LIMD1: variants seen among roughly 807,000 people sequenced by gnomAD.
LIMD1 encodes LIM domain containing 1, also known as LIM domain-containing protein 1.
A neutral mutation model predicts 58.4 loss-of-function variants in LIMD1; 23 were observed. The observed-to-expected ratio is 0.39, with a 90% CI of 0.28 to 0.56. The LOEUF (loss-of-function observed/expected upper bound fraction) is 0.56, where lower values mean the gene tolerates loss of function less well. Among genes scored for constraint, LIMD1 ranks in the 20% least tolerant of loss-of-function variants. The pLI, the probability that LIMD1 is intolerant of heterozygous loss-of-function variation, is 0.57. For synonymous variants in LIMD1, 334 were observed against 345.5 expected (o/e 0.97, Z 0.37); for missense variants, 838 against 855.5 (o/e 0.98, Z 0.25).
chr3:45,665,501 CATCTTTTAGG>C, intron 2 of LIMD1, 139 bp from the exon 3 acceptor site: 1 of 624,244 alleles, frequency 1.6e-6, no homozygotes, highest in South Asian at 2.0e-5. Context: ...AGGGCCACGG[CATCTTTTAGG>C]AACTGGAAAG....
chr3:45,621,898 A>G (rs1273400345), intron 1 of LIMD1, among the ~76,000 whole-genome samples: 1 of 152,008 alleles, frequency 6.6e-6, no homozygotes, highest in Non-Finnish European at 1.5e-5. Context: ...CCCCGTGTGT[A>G]CTAAAAATAC....
chr3:45,669,263 C>T (rs1164595737), intron 4 of LIMD1, among the ~76,000 whole-genome samples: 1 of 152,076 alleles, frequency 6.6e-6, no homozygotes, highest in Non-Finnish European at 1.5e-5. Context: ...AATTGTTCAC[C>T]ATTGGAAACC....
chr3:45,636,251 A>G lies in LIMD1; in HGVS notation c.1510A>G (p.Ser504Gly). ...HDTCFTCAAC[S>G]RKLRGKAFYF... Reference sequence around the variant, plus strand: ...CACATGCTTCACCTGTGCAGCTTGCAGTAAGTGTGGGTGTGGGTGTCGGGT... The same window carrying G: ...CACATGCTTCACCTGTGCAGCTTGCGGTAAGTGTGGGTGTGGGTGTCGGGT... The change falls in exon 2 of 8, where the codon AGC becomes GGC. Residue 504 changes from serine to glycine, a missense_variant and splice_region_variant. Ser to Gly is a moderately conservative substitution (Grantham distance 56). Around this residue, in one of 3 missense-constraint regions of LIMD1, gnomAD observed 659 missense variants for 639.8 expected, o/e 1.03. Transcript: ENST00000273317. 2 of 1,603,714 alleles carry G rather than the reference A, an allele frequency of 1.2e-6. No individual in the cohort carries two copies. The highest frequency in any genetic ancestry group is 1.7e-5 in the Admixed American group (1 of 58,476).
rs199951580 is a variant in LIMD1, at chr3:45,633,408, G to A, written c.1409-2742G>A. Among the ~76,000 whole-genome samples the A allele has an allele frequency of 1.2e-4, 19 of 152,126 alleles. No homozygotes were observed. The East Asian group carries it at 1.5e-3, about 12-fold the overall frequency. ...TTGTGTCTGTTTGTGAATTTTACCC[G>A]GAAAAAAATAAGCCTAAGCAAATAA... On this transcript the variant is annotated intron_variant, in intron 1 of 7. Transcript: ENST00000273317.
At chr3:45,670,724 AG>A (rs1290176792) in intron 4 of LIMD1, among the ~76,000 whole-genome samples, 1 of 152,210 alleles carries the variant, frequency 6.6e-6, no homozygotes, top group Non-Finnish European at 1.5e-5. Context: ...ATTCAAGGGG[AG>A]GGGGAAATAG....
chr3:45,609,305 A>C (rs1701500700), intron 1 of LIMD1, among the ~76,000 whole-genome samples: 1 of 152,198 alleles, frequency 6.6e-6, no homozygotes, highest in Non-Finnish European at 1.5e-5. Flanking sequence ...TAAACTTGAG[A>C]CTTGACTACA....
chr3:45,646,324 G>A (rs1256274742), intron 2 of LIMD1, among the ~76,000 whole-genome samples: 2 of 152,222 alleles, frequency 1.3e-5, no homozygotes, highest in African/African-American at 4.8e-5. Context: ...GCCGACCTCT[G>A]CCTCTGCCTG....
intron 4 of LIMD1, 81 bp from the exon 5 acceptor site, chr3:45,672,609 C>G (rs1697600920): frequency 6.7e-7 from 1 of 1,494,004 alleles, no homozygotes; most frequent in Non-Finnish European, 9.2e-7. Context: ...TCATGTAATC[C>G]TTAGGCCTGA....
At chr3:45,619,023 C>T (rs1481830015) in intron 1 of LIMD1, among the ~76,000 whole-genome samples, 7 of 152,082 alleles carry the variant, frequency 4.6e-5, no homozygotes, top group Non-Finnish European at 8.8e-5. Flanking sequence ...TTTATGTATG[C>T]ATCACTAAAA....
intron 1 of LIMD1, among the ~76,000 whole-genome samples, chr3:45,615,376 AG>A (rs71617898): frequency 6.6e-6 from 1 of 152,100 alleles, no homozygotes; most frequent in Non-Finnish European, 1.5e-5. Context: ...GTATGGATTT[AG>A]GGGGGAGAAG....
chr3:45,663,375 T>C (rs1452208214), intron 2 of LIMD1, among the ~76,000 whole-genome samples: 1 of 152,202 alleles, frequency 6.6e-6, no homozygotes, highest in Non-Finnish European at 1.5e-5. Flanking sequence ...CCTTGACAAA[T>C]TGTTCCCAAG....
chr3:45,658,535 CTTTTTTTTTTTTTTT>C (rs10572210), intron 2 of LIMD1, among the ~76,000 whole-genome samples: 8 of 44,736 alleles, frequency 1.8e-4, no homozygotes, highest in East Asian at 1.3e-3. Context: ...CATGCAGATT[CTTTTTTTTTTTTTTT>C]TTTTTTTTTT....
intron 4 of LIMD1, among the ~76,000 whole-genome samples, chr3:45,668,752 CAAAA>C (rs36111259): frequency 7.0e-6 from 1 of 142,230 alleles, no homozygotes. Context: ...GACTCCACCT[CAAAA>C]AAAAAAAAAA....
intron 1 of LIMD1, among the ~76,000 whole-genome samples, chr3:45,614,772 T>TTG (rs1701561072): frequency 6.7e-6 from 1 of 150,108 alleles, no homozygotes; most frequent in Non-Finnish European, 1.5e-5. Flanking sequence ...CTGGGTGTTT[T>TTG]TTTTTTTTTT....
chr3:45,640,578 T>C (rs1701832088), intron 2 of LIMD1, among the ~76,000 whole-genome samples: 1 of 152,172 alleles, frequency 6.6e-6, no homozygotes, highest in Non-Finnish European at 1.5e-5. Context: ...TACAGGCATG[T>C]ACCACCAGGC....
chr3:45,638,056 ACTGT>A (rs1701806567), intron 2 of LIMD1, among the ~76,000 whole-genome samples: 1 of 2,864 alleles, frequency 3.5e-4, no homozygotes, highest in Non-Finnish European at 6.0e-4. Flanking sequence ...AGCAATGCAG[ACTGT>A]CTGGTGAGGT....
At chr3:45,643,506 C>T (rs1430307342) in intron 2 of LIMD1, among the ~76,000 whole-genome samples, 5 of 151,580 alleles carry the variant, frequency 3.3e-5, no homozygotes, top group African/African-American at 1.2e-4. Flanking sequence ...AAAGAATGGT[C>T]TGTGAGGGAG....
intron 2 of LIMD1, among the ~76,000 whole-genome samples, chr3:45,660,383 A>G (rs561358261): frequency 6.7e-6 from 1 of 149,386 alleles, no homozygotes; most frequent in Admixed American, 6.6e-5. Flanking sequence ...CTGGTTGAGC[A>G]AGCTTCTCTT....
intron 2 of LIMD1, among the ~76,000 whole-genome samples, chr3:45,638,613 C>T (rs892208473): frequency 6.6e-6 from 1 of 152,096 alleles, no homozygotes; most frequent in Non-Finnish European, 1.5e-5. Context: ...GATAAACATA[C>T]GAGTGCAGGT....
Sources: gnomAD v4.1 joint callset for allele counts (sites outside exome capture counted in the v4.1 genomes callset) on GRCh38, gnomAD v4.1.1 for gene constraint, gnomAD v4.1.1 regional missense constraint, MANE v1.5 for transcripts, NCBI Gene and HGNC (gene_info 2026-07-23, HGNC 2026-07-21) for gene names.